CCT8: variants seen among roughly 807,000 people sequenced by gnomAD.
The protein encoded by CCT8 is chaperonin containing TCP1 subunit 8.
A neutral mutation model predicts 65.7 loss-of-function variants in CCT8; 10 were observed. The ratio of observed to expected loss-of-function variants is 0.15; its 90% CI spans 0.09 to 0.26. The LOEUF (loss-of-function observed/expected upper bound fraction) is 0.26. CCT8 is among the 10% of genes least tolerant of loss of function. The probability of loss-of-function intolerance (pLI) is 1.00; values close to 1 mark genes in which losing one functional copy is unlikely to be tolerated. For synonymous variants in CCT8, 199 were observed against 221.8 expected, an observed-to-expected ratio of 0.90 and a Z score of 0.92; for missense variants, 568 against 669.1, an observed-to-expected ratio of 0.85 and a Z score of 1.67.
At chr21:29,057,106 A>G (rs1441381223) in intron 14 of CCT8, among the ~76,000 whole-genome samples, 7 of 151,042 alleles carry the variant, frequency 4.6e-5, no homozygotes, top group Non-Finnish European at 1.0e-4. Flanking sequence ...TAAGTTCCCA[A>G]CTTAAAAAAA....
chr21:29,071,521 G>A (rs2146444307), intron 1 of CCT8, among the ~76,000 whole-genome samples: 1 of 151,586 alleles, frequency 6.6e-6, no homozygotes, highest in South Asian at 2.1e-4. Context: ...TCAGCCTCCT[G>A]AGTAGCTGGG....
Position 29,066,791 on chromosome 21 carries a change from G to C in CCT8, c.563-14C>G, listed in dbSNP as rs1423769015. The stretch of plus-strand genomic sequence containing the variant: ...GAAAAATAGATACTGTTAAGAAAAT[G>C]AGACATATCAAAAGATTATTTTGGG... On this transcript the variant is annotated splice_polypyrimidine_tract_variant and intron_variant, in intron 5 of 14. Coordinates refer to ENST00000286788, the MANE Select transcript of CCT8 (RefSeq NM_006585.4). 7 of 1,597,542 alleles carry C rather than the reference G, an allele frequency of 4.4e-6. No homozygotes were observed.
rs543161940 is a variant in CCT8 at position 29,063,563 on chromosome 21, C to A, written c.763-33G>T. ...AACAAGTAAACATTCCCTTTAAAAT[C>A]ATTTCACTACGTTGGTGTTCAAAGT... On this transcript the variant is annotated intron_variant, in intron 7 of 14. Coordinates refer to ENST00000286788, the MANE Select transcript of CCT8 (RefSeq NM_006585.4). The A allele has an allele frequency of 3.5e-5, 56 of 1,599,168 alleles. No individual in the cohort carries two copies. In the South Asian group the frequency reaches 5.5e-4, roughly 16 times the overall value.
At chr21:29,059,386 G>C (rs2085538512) in intron 14 of CCT8, 1 of 152,162 alleles carries the variant, frequency 6.6e-6, no homozygotes. Flanking sequence ...ATAAGATAAA[G>C]CAGACTTCCT....
intron 3 of CCT8, among the ~76,000 whole-genome samples, chr21:29,068,007 C>A (rs1230382989): frequency 6.6e-6 from 1 of 152,138 alleles, no homozygotes; most frequent in Admixed American, 6.5e-5. Context: ...AATTAAAAAA[C>A]AAAGTAATTA....
chr21:29,067,136 G>T, intron 4 of CCT8, 65 bp from the exon 5 acceptor site: 1 of 1,050,982 alleles, frequency 9.5e-7, no homozygotes, highest in Non-Finnish European at 1.4e-6. Context: ...GTAACCCAAT[G>T]CATATGGATG....
chr21:29,069,210 T>C (rs2085656050), intron 3 of CCT8, among the ~76,000 whole-genome samples: 1 of 152,202 alleles, frequency 6.6e-6, no homozygotes, highest in African/African-American at 2.4e-5. Flanking sequence ...AATCCCTCCA[T>C]AAATTAATAA....
At chr21:29,057,003 T>C (rs1279542262) in intron 14 of CCT8, among the ~76,000 whole-genome samples, 2 of 151,874 alleles carry the variant, frequency 1.3e-5, no homozygotes, top group Admixed American at 6.6e-5. Flanking sequence ...AAGTAGTTGA[T>C]ACATAAGTAT....
rs540703927 is a variant in CCT8 at position 29,061,838 on chromosome 21, A to G, written c.1213-271T>C. ...TTTGCATATCCACAGATATAGCACTAAGAACTGCTTTAGCAACTAACAGTA... is the reference window on the plus strand; with the variant it reads ...TTTGCATATCCACAGATATAGCACTGAGAACTGCTTTAGCAACTAACAGTA... On this transcript the variant is annotated intron_variant, in intron 11 of 14. Coordinates refer to ENST00000286788, the MANE Select transcript of CCT8 (RefSeq NM_006585.4). 1.5e-4 allele frequency among the ~76,000 whole-genome samples: 23 copies of G among 152,376 alleles called. No individual in the cohort carries two copies. In the South Asian group the frequency reaches 4.6e-3, roughly 30 times the overall value.
intron 1 of CCT8, among the ~76,000 whole-genome samples, chr21:29,070,812 A>C (rs1339502971): frequency 6.6e-6 from 1 of 152,210 alleles, no homozygotes; most frequent in Non-Finnish European, 1.5e-5. Context: ...CAAGTAGAAT[A>C]CCTTTCCAGA....
chr21:29,063,264 C>G, intron 8 of CCT8, 88 bp downstream of exon 8: 1 of 997,326 alleles, frequency 1.0e-6, no homozygotes, highest in East Asian at 2.4e-5. Context: ...CCTTTATTAA[C>G]AGTCTTCATG....
intron 1 of CCT8, among the ~76,000 whole-genome samples, chr21:29,071,712 C>T (rs987672739): frequency 6.6e-6 from 1 of 152,116 alleles, no homozygotes; most frequent in Admixed American, 6.5e-5. Context: ...AAAGCATCTT[C>T]AGCAATAAGA....
intron 14 of CCT8, 101 bp downstream of exon 14, chr21:29,060,440 C>T (rs1049404392): frequency 8.1e-7 from 1 of 1,230,428 alleles, no homozygotes; most frequent in African/African-American, 1.5e-5. Context: ...GACTAAGAAT[C>T]CTTTGAATTA....
At chr21:29,069,538 C>G in intron 2 of CCT8, 36 bp from the exon 3 acceptor site, 1 of 1,262,048 alleles carries the variant, frequency 7.9e-7, no homozygotes, top group Non-Finnish European at 1.1e-6. Context: ...AAAAGAAAGC[C>G]ATTATTAATC....
At chr21:29,061,676 G>A (rs2085566094) in intron 11 of CCT8, 109 bp from the exon 12 acceptor site, 1 of 1,069,446 alleles carries the variant, frequency 9.4e-7, no homozygotes, top group African/African-American at 1.6e-5. Flanking sequence ...CCAAACAGGA[G>A]TTTTTATCAG....
chr21:29,064,434 A>AT (rs1201239957), intron 7 of CCT8, among the ~76,000 whole-genome samples: 1 of 150,152 alleles, frequency 6.7e-6, no homozygotes, highest in Non-Finnish European at 1.5e-5. Context: ...AAAAAAAAAA[A>AT]AAGAATAAAA....
Position 29,067,125 on chromosome 21 carries a change from G to A in CCT8, c.382-54C>T. 9 of 1,341,984 alleles carry A rather than the reference G, an allele frequency of 6.7e-6. No homozygotes were observed. The South Asian group carries it at 8.5e-5, about 13-fold the overall frequency. 83.1% of individuals were successfully genotyped at this position (1,341,984 alleles called of 1,614,324 possible). Reference sequence around the variant, plus strand: ...GACATGACTTAAAGTAGCTTATTTTGGTAACCCAATGCATATGGATGTTTA... The same window carrying A: ...GACATGACTTAAAGTAGCTTATTTTAGTAACCCAATGCATATGGATGTTTA... On this transcript the variant is annotated intron_variant, in intron 4 of 14. Coordinates refer to ENST00000286788, the MANE Select transcript of CCT8 (RefSeq NM_006585.4).
At chr21:29,057,959 G>A (rs549346126) in intron 14 of CCT8, 3 of 152,028 alleles carry the variant, frequency 2.0e-5, no homozygotes, top group African/African-American at 7.2e-5. Flanking sequence ...AGGCTGTGGT[G>A]AGCTGATTAT....
At position 29,061,354 on chromosome 21, in the gene CCT8, G is replaced by A. The variant is rs1451836579; in HGVS notation, c.1348C>T (p.Arg450Cys). Reference protein sequence around the residue: ...KFAEAFEAIPRALAENSGVKA... With the variant: ...KFAEAFEAIPCALAENSGVKA... ...ACTCCAGAGTTTTCTGCCAGTGCGC[G>A]GGGAATAGCTTCAAATGCCTCAGCA... is the stretch of plus-strand genomic sequence containing the variant. The change falls in exon 13 of 15, where the codon CGC (arginine) becomes TGC (cysteine). Residue 450 changes from arginine (R) to cysteine (C), a missense_variant. Transcript: ENST00000286788. 4 of 1,613,766 alleles carry A rather than the reference G, an allele frequency of 2.5e-6. No homozygotes were observed. Among genetic ancestry groups the A allele is most frequent in the African/African-American group, 2.7e-5 (2 of 74,868 alleles).
Sources: allele counts gnomAD v4.1 joint callset (sites outside exome capture counted in the v4.1 genomes callset), GRCh38; gene constraint gnomAD v4.1.1; transcripts MANE v1.5; gene names NCBI Gene and HGNC (gene_info 2026-07-23, HGNC 2026-07-21).